The following MBP variants were observed in gnomAD, a reference collection of about 807,000 sequenced individuals.
The protein encoded by MBP is myelin basic protein.
A neutral mutation model predicts 35.8 loss-of-function variants in MBP; 16 were observed. The ratio of observed to expected loss-of-function variants is 0.45; its 90% CI spans 0.30 to 0.68. MBP has a LOEUF of 0.68. Among genes scored for constraint, MBP ranks in the 30% least tolerant of loss-of-function variants. MBP has a pLI of 0.08. For missense variants in MBP, 380 were observed against 404.7 expected, an observed-to-expected ratio of 0.94 and a Z score of 0.52; for synonymous variants, 143 against 159.6, an observed-to-expected ratio of 0.90 and a Z score of 0.78.
chr18:77,038,166 C>A (rs1019126302), intron 3 of MBP, among the ~76,000 whole-genome samples: 1 of 152,122 alleles, frequency 6.6e-6, no homozygotes, highest in East Asian at 1.9e-4. Context: ...ACATGCGAGC[C>A]GCATAGAAAT....
At chr18:77,085,683 G>GTT (rs10645727) in intron 2 of MBP, among the ~76,000 whole-genome samples, 18,057 of 124,112 alleles carry the variant, frequency 0.15, 1,761 homozygotes, top group African/African-American at 0.21. Context: ...AGTGCAATAA[G>GTT]TTTTTTTTTT....
At chr18:77,125,694 C>G (rs969782985) in intron 1 of MBP, among the ~76,000 whole-genome samples, 1 of 152,112 alleles carries the variant, frequency 6.6e-6, no homozygotes, top group East Asian at 1.9e-4. Flanking sequence ...GTAAGTAAAT[C>G]ATAGCGTAAA....
intron 3 of MBP, among the ~76,000 whole-genome samples, chr18:77,036,343 A>G (rs1972765887): frequency 7.5e-6 from 1 of 132,912 alleles, no homozygotes; most frequent in East Asian, 2.2e-4. Flanking sequence ...TTGGAGACTG[A>G]GCTGAGCAAG....
chr18:76,991,556 T>C (rs542568348), intron 4 of MBP, among the ~76,000 whole-genome samples: 129 of 152,268 alleles, frequency 8.5e-4, no homozygotes, highest in African/African-American at 3.0e-3. Flanking sequence ...TTGTGAGTTC[T>C]CAGAAAAGCA....
chr18:77,076,499 A>T (rs1306835951), intron 2 of MBP, among the ~76,000 whole-genome samples: 2 of 152,232 alleles, frequency 1.3e-5, no homozygotes, highest in African/African-American at 4.8e-5. Flanking sequence ...TCGAGGCGGC[A>T]CCGTCGCTGC....
chr18:76,995,934 C>T (rs115073197), intron 4 of MBP, among the ~76,000 whole-genome samples: 552 of 152,246 alleles, frequency 3.6e-3, no homozygotes, highest in African/African-American at 0.012. Flanking sequence ...TTGCAAATTA[C>T]GTATCTGACA....
chr18:77,087,242 C>G (rs7237284), intron 2 of MBP: 95,870 of 151,944 alleles, frequency 0.63, 31,508 homozygotes, highest in Non-Finnish European at 0.72. Context: ...TTAGGGAAAA[C>G]CCCCGCGGAG....
At chr18:76,986,751 G>GT in intron 7 of MBP, 1 of 985,488 alleles carries the variant, frequency 1.0e-6, no homozygotes, top group Non-Finnish European at 1.2e-6. Flanking sequence ...CCCTGCAAGC[G>GT]TTAAGTCCTT....
chr18:77,104,539 A>C (rs1291393169), intron 2 of MBP, among the ~76,000 whole-genome samples: 3 of 152,204 alleles, frequency 2.0e-5, no homozygotes, highest in Non-Finnish European at 2.9e-5. Flanking sequence ...ACCAGAGTGC[A>C]AAGTCAGAGC....
intron 1 of MBP, among the ~76,000 whole-genome samples, chr18:77,125,899 G>A (rs914219498): frequency 1.4e-4 from 19 of 131,556 alleles, no homozygotes; most frequent in African/African-American, 5.3e-4. Context: ...AAAAAAAAAA[G>A]AGCTAAATAT....
chr18:77,041,831 C>A (rs138873082), intron 3 of MBP, among the ~76,000 whole-genome samples: 7 of 150,720 alleles, frequency 4.6e-5, no homozygotes, highest in African/African-American at 7.3e-5. Context: ...TAATGTTAAA[C>A]GACGAGTTAC....
At chr18:77,022,213 C>T (rs1216445975) in intron 3 of MBP, among the ~76,000 whole-genome samples, 3 of 152,158 alleles carry the variant, frequency 2.0e-5, no homozygotes. Flanking sequence ...CAGATGTTTG[C>T]CAACAGCAAA....
At chr18:77,008,882 C>T (rs1412158497) in intron 4 of MBP, among the ~76,000 whole-genome samples, 3 of 152,250 alleles carry the variant, frequency 2.0e-5, no homozygotes, top group Admixed American at 1.3e-4. Context: ...GTCCTGTCCC[C>T]CGTGCTCCTG....
At chr18:76,981,656 C>T (rs1790899386) in intron 8 of MBP, 1 of 152,256 alleles carries the variant, frequency 6.6e-6, no homozygotes, top group African/African-American at 2.4e-5. Flanking sequence ...TGAGATTTCC[C>T]TCCCAAGACA....
At chr18:77,024,198 C>T (rs977646980) in intron 3 of MBP, among the ~76,000 whole-genome samples, 16 of 152,366 alleles carry the variant, frequency 1.1e-4, no homozygotes, top group Middle Eastern at 3.4e-3. Flanking sequence ...TGCCTTTGAA[C>T]GCAGCCCAAT....
In MBP at chr18:77,102,144, G is replaced by A. The variant is rs1322625976; in HGVS notation, c.51+3067C>T. On this transcript the variant is annotated intron_variant, in intron 2 of 8. Transcript: ENST00000355994. The surrounding 1 kb of genome is among the most constrained non-coding windows in gnomAD (Gnocchi z 4.4). ...AGTGTGGGTGGGGAGAGGTGGAGAA[G>A]GTGGCAGCAGGGTGGGAAGGAGGGG... Among the ~76,000 whole-genome samples, 5 of 152,022 alleles carry A rather than the reference G, an allele frequency of 3.3e-5. No homozygotes were observed. Among genetic ancestry groups the A allele is most frequent in the African/African-American group, 1.2e-4 (5 of 41,326 alleles).
At chr18:77,065,615 CG>C (rs1974162261) in intron 3 of MBP, among the ~76,000 whole-genome samples, 1 of 152,160 alleles carries the variant, frequency 6.6e-6, no homozygotes, top group Non-Finnish European at 1.5e-5. Context: ...AGATAAACAC[CG>C]TGGTATCCAG....
intron 8 of MBP, chr18:76,981,264 G>A (rs1393769881): frequency 6.6e-6 from 1 of 152,178 alleles, no homozygotes; most frequent in East Asian, 1.9e-4. Flanking sequence ...TCAAAGTTTA[G>A]TCTCTCTCCT....
rs1171494044 is a variant in MBP at position 76,989,047 on chromosome 18, T to C, written c.682-135A>G. ...GCACCCGGGTGCCCAGCCTCCCCAC[T>C]TCTGTCCTAGTTGGTGAAGAAGTAT... On this transcript the variant is annotated intron_variant, in intron 5 of 8. Coordinates refer to ENST00000355994, the MANE Select transcript of MBP (RefSeq NM_001025101.2). The surrounding 1 kb of genome is among the most constrained non-coding windows in gnomAD (Gnocchi z 4.0). 2 of 799,832 alleles carry C rather than the reference T, an allele frequency of 2.5e-6. No homozygotes were observed. The highest frequency in any genetic ancestry group is 4.6e-6 in the Non-Finnish European group (2 of 438,948). The allele number at this position is 799,832 out of a possible 1,614,324, so 49.5% of individuals were successfully genotyped here. A position where few individuals can be genotyped will look rare whatever the true frequency, so the allele number is the denominator to read the frequency against.
Sources: allele counts gnomAD v4.1 joint callset (sites outside exome capture counted in the v4.1 genomes callset), GRCh38; gene constraint gnomAD v4.1.1; non-coding constraint Gnocchi (gnomAD v3.1); transcripts MANE v1.5; gene names NCBI Gene and HGNC (gene_info 2026-07-23, HGNC 2026-07-21).